Variants in SLC7A9 observed in about 807,000 individuals in gnomAD.
The protein encoded by SLC7A9 is solute carrier family 7 member 9.
SLC7A9 carries 38 observed loss-of-function variants against 54.1 expected under a neutral mutation model. The ratio of observed to expected loss-of-function variants is 0.70; its 90% confidence interval spans 0.54 to 0.92. SLC7A9 has a LOEUF of 0.92. Ranked by LOEUF, SLC7A9 falls within the 40% of genes least tolerant of loss-of-function variation. The pLI is 0.00. For synonymous variants in SLC7A9, 264 were observed against 258.9 expected, an observed-to-expected ratio of 1.02 and a Z score of -0.19; for missense variants, 537 against 636.1, an observed-to-expected ratio of 0.84 and a Z score of 1.68.
Position 32,862,445 on chromosome 19 carries a change from C to A in SLC7A9, c.604+16G>T. On this transcript the variant is annotated intron_variant, in intron 5 of 12. Coordinates refer to ENST00000023064, the MANE Select transcript of SLC7A9 (RefSeq NM_014270.5). ...TTGGTGTGTGCCCGTGCAGGGCCCACCCTCCCGTGGGTCACCTTGGGCCAG... is the reference window on the plus strand; with the variant it reads ...TTGGTGTGTGCCCGTGCAGGGCCCAACCTCCCGTGGGTCACCTTGGGCCAG... 6.2e-7 allele frequency: 1 copy of A among 1,612,506 alleles called. No homozygotes were observed. Among genetic ancestry groups the A allele is most frequent in the Non-Finnish European group, 8.5e-7 (1 of 1,179,992 alleles).
At chr19:32,862,095 C>T (rs377128007) in intron 6 of SLC7A9, 23 bp downstream of exon 6, 599 of 1,531,650 alleles carry the variant, frequency 3.9e-4, no homozygotes, top group African/African-American at 6.3e-4. Context: ...CCCCCAGACT[C>T]GGGACATCTC....
chr19:32,839,389 C>T (rs900778904), intron 11 of SLC7A9, among the ~76,000 whole-genome samples: 1 of 151,958 alleles, frequency 6.6e-6, no homozygotes, highest in African/African-American at 2.4e-5. Flanking sequence ...CCTGTCTCTA[C>T]TAAAAATATA....
chr19:32,857,165 C>G (rs1273671553), intron 9 of SLC7A9, among the ~76,000 whole-genome samples: 3 of 151,730 alleles, frequency 2.0e-5, no homozygotes, highest in African/African-American at 7.3e-5. Flanking sequence ...TAATATAAGG[C>G]TGGGCACGAT....
intron 7 of SLC7A9, chr19:32,860,356 A>C (rs1466948506): frequency 7.3e-7 from 1 of 1,362,828 alleles, no homozygotes; most frequent in Non-Finnish European, 9.6e-7. Flanking sequence ...TGGGAGTTCA[A>C]GACCAGCCTG....
Position 32,859,890 on chromosome 19 carries a change from A to T in SLC7A9, c.824T>A (p.Phe275Tyr). 2.5e-6 allele frequency: 4 copies of T among 1,614,146 alleles called. No homozygotes were observed. Among genetic ancestry groups the T allele is most frequent in the Non-Finnish European group, 3.4e-6 (4 of 1,180,030 alleles). ...ACYILMNVSYFTVMTATELLQ... is the reference protein window; with the variant it reads ...ACYILMNVSYYTVMTATELLQ... Reference sequence around the variant, plus strand: ...GAGTTCGGTGGCAGTCATCACGGTGAAGTAGGACACGTTCATGAGGATGTA... The same window carrying T: ...GAGTTCGGTGGCAGTCATCACGGTGTAGTAGGACACGTTCATGAGGATGTA... The change falls in exon 8 of 13, where the codon TTC (phenylalanine) becomes TAC (tyrosine). Residue 275 changes from phenylalanine to tyrosine, a missense_variant. Coordinates refer to ENST00000023064, the MANE Select transcript of SLC7A9 (RefSeq NM_014270.5).
intron 9 of SLC7A9, among the ~76,000 whole-genome samples, chr19:32,857,786 T>G (rs1968670376): frequency 6.6e-6 from 1 of 152,176 alleles, no homozygotes; most frequent in Non-Finnish European, 1.5e-5. Context: ...ACACAGCTGG[T>G]GGCAGTCTCT....
intron 9 of SLC7A9, among the ~76,000 whole-genome samples, chr19:32,851,041 T>G (rs561120517): frequency 6.6e-6 from 1 of 152,280 alleles, no homozygotes; most frequent in South Asian, 2.1e-4. Context: ...GATTAAAGAC[T>G]TACATGTTAG....
chr19:32,857,933 C>A (rs1444374356), intron 9 of SLC7A9, among the ~76,000 whole-genome samples: 1 of 152,086 alleles, frequency 6.6e-6, no homozygotes, highest in African/African-American at 2.4e-5. Context: ...ATGCAGCCTG[C>A]GAGCCTGGAA....
At chr19:32,842,640 TCTCA>T (rs1257116002) in intron 10 of SLC7A9, among the ~76,000 whole-genome samples, 2 of 152,108 alleles carry the variant, frequency 1.3e-5, no homozygotes, top group African/African-American at 4.8e-5. Flanking sequence ...TGAGATGGAG[TCTCA>T]CTCTGTCACC....
In SLC7A9 at chr19:32,859,821, A is replaced by ATGTG. The variant is rs1438887574; in HGVS notation, c.873+19_873+20insCACA. 2 of 1,597,570 alleles carry ATGTG rather than the reference A, an allele frequency of 1.3e-6. No homozygotes were observed. On this transcript the variant is annotated intron_variant, in intron 8 of 12. Coordinates refer to ENST00000023064, the MANE Select transcript of SLC7A9 (RefSeq NM_014270.5). ...CCCACAAGCCACAGCCCCCGCCAGC[A>ATGTG]GCGATGCCCGGGCACTCACCACAGC...
chr19:32,855,451 G>A (rs1401702050), intron 9 of SLC7A9, among the ~76,000 whole-genome samples: 1 of 152,192 alleles, frequency 6.6e-6, no homozygotes, highest in East Asian at 1.9e-4. Flanking sequence ...TGTAATCCCA[G>A]CACTTTGGGA....
rs1568516754 is a variant in SLC7A9 at position 32,843,869 on chromosome 19, C to CG, written c.1059dup (p.Ala354ArgfsTer17). ...TTTGTACTCACATAAAAGATGATGG[C>CG]GGGGGCTGGAGTGAGGCGCCTGACG... is the stretch of plus-strand genomic sequence containing the variant. On this transcript the variant is annotated frameshift_variant, in exon 10 of 13. Coordinates refer to ENST00000023064, the MANE Select transcript of SLC7A9 (RefSeq NM_014270.5). LOFTEE classifies it high-confidence loss of function. The CG allele has an allele frequency of 6.2e-7, 1 of 1,612,752 alleles. No homozygotes were observed. Among genetic ancestry groups the CG allele is most frequent in the African/African-American group, 1.3e-5 (1 of 74,850 alleles).
intron 9 of SLC7A9, among the ~76,000 whole-genome samples, chr19:32,850,447 A>G (rs1182680449): frequency 1.3e-5 from 2 of 151,788 alleles, no homozygotes; most frequent in Non-Finnish European, 2.9e-5. Flanking sequence ...AAGAGAATAA[A>G]ATACCTAGGA....
intron 10 of SLC7A9, among the ~76,000 whole-genome samples, chr19:32,843,625 C>T (rs555347142): frequency 1.3e-5 from 2 of 152,262 alleles, no homozygotes; most frequent in South Asian, 4.1e-4. Context: ...GGACCCAGCA[C>T]AGACAAATGC....
Position 32,864,700 on chromosome 19 carries a change from A to T in SLC7A9, c.164T>A (p.Val55Glu). 2 of 1,614,172 alleles carry T rather than the reference A, an allele frequency of 1.2e-6. No homozygotes were observed. The highest frequency in any genetic ancestry group is 1.7e-6 in the Non-Finnish European group (2 of 1,180,024). Residue 55 changes from valine (V) to glutamate (E), a missense_variant, in exon 3 of 13, where the codon GTG becomes GAG. Physicochemically the swap from Val to Glu is moderately radical, Grantham distance 121. Coordinates refer to ENST00000023064, the MANE Select transcript of SLC7A9 (RefSeq NM_014270.5). The stretch of plus-strand genomic sequence containing the variant: ...CCCCACAGCTTCCGTGTTGCTGAGC[A>T]CAGACTTGGGGGAAACGAAGATCCC... ...GSGIFVSPKSVLSNTEAVGPC... is the reference protein window; with the variant it reads ...GSGIFVSPKSELSNTEAVGPC...
intron 11 of SLC7A9, among the ~76,000 whole-genome samples, chr19:32,840,808 C>T (rs970832462): frequency 6.6e-6 from 1 of 152,146 alleles, no homozygotes; most frequent in Admixed American, 6.5e-5. Flanking sequence ...CTGAGAACCT[C>T]GTTCCACGTG....
At chr19:32,864,388 C>T (rs1010794152) in intron 3 of SLC7A9, 50 bp from the exon 4 acceptor site, 9 of 1,610,404 alleles carry the variant, frequency 5.6e-6, no homozygotes, top group African/African-American at 2.7e-5. Flanking sequence ...GGCACTGCCC[C>T]GGCCCCAGGG....
At chr19:32,844,764 G>T (rs1483786302) in intron 9 of SLC7A9, among the ~76,000 whole-genome samples, 1 of 148,390 alleles carries the variant, frequency 6.7e-6, no homozygotes, top group Non-Finnish European at 1.5e-5. Flanking sequence ...CTGGGAGGCA[G>T]AGGTTGCGGT....
At chr19:32,832,243 C>T (rs1463667336) in intron 12 of SLC7A9, among the ~76,000 whole-genome samples, 4 of 151,718 alleles carry the variant, frequency 2.6e-5, no homozygotes, top group African/African-American at 7.3e-5. Flanking sequence ...GAGCCGAGAT[C>T]GTGCCAGTGC....
Sources: allele counts gnomAD v4.1 joint callset (sites outside exome capture counted in the v4.1 genomes callset), GRCh38; gene constraint gnomAD v4.1.1; transcripts MANE v1.5; gene names NCBI Gene and HGNC (gene_info 2026-07-23, HGNC 2026-07-21).